UBTF: variants seen among roughly 807,000 people sequenced by gnomAD.
UBTF encodes the protein nucleolar transcription factor 1.
Under a neutral mutation model 112.3 loss-of-function variants are expected in UBTF, and 8 were observed. The observed-to-expected ratio is 0.07, with a 90% CI of 0.04 to 0.13. UBTF has a LOEUF of 0.13. UBTF is among the 10% of genes least tolerant of loss of function. The probability of loss-of-function intolerance (pLI) is 1.00; values close to 1 mark genes in which losing one functional copy is unlikely to be tolerated. For missense variants in UBTF, 457 were observed against 982.1 expected (o/e 0.47, Z 7.15); for synonymous variants, 417 against 373.1 (o/e 1.12, Z -1.36).
At chr17:44,218,597 A>AAAAAAAAAAAAAAAG (rs1284382793) in intron 1 of UBTF, 1 of 186,556 alleles carries the variant, frequency 5.4e-6, no homozygotes, top group African/African-American at 2.4e-5. Context: ...CCCCAGCCAA[A>AAAAAAAAAAAAAAAG]AAAAAAAAAA....
In UBTF at chr17:44,212,934, T is replaced by A; in HGVS notation, c.545A>T (p.Asp182Val). The change falls in exon 7 of 21, where the codon GAT (aspartate) becomes GTT (valine). Residue 182 changes from aspartate (D) to valine (V), a missense_variant. By Grantham distance (152) the Asp-to-Val change is radical. Around this residue, in one of 7 missense-constraint regions of UBTF, gnomAD observed 87 missense variants for 286.6 expected, o/e 0.30. Transcript: ENST00000436088. ...FERNLARFRE[D>V]HPDLIQNAKK... ...GGCATTCTGGATTAGGTCGGGGTGA[T>A]CCTCCCTAGCCAGGACACGGGGAGC... The A allele has an allele frequency of 6.2e-7, 1 of 1,613,950 alleles. No homozygotes were observed. Among genetic ancestry groups the A allele is most frequent in the Non-Finnish European group, 8.5e-7 (1 of 1,179,890 alleles).
At chr17:44,218,020 G>A (rs1180818856) in intron 2 of UBTF, 152 bp downstream of exon 2, 4 of 826,192 alleles carry the variant, frequency 4.8e-6, no homozygotes, top group Non-Finnish European at 7.9e-6. Context: ...AACCCCAAGT[G>A]TGGGAGATGC....
chr17:44,215,331 G>A (rs1162869374), intron 5 of UBTF: 1 of 309,292 alleles, frequency 3.2e-6, no homozygotes, highest in African/African-American at 2.1e-5. Context: ...CATAGAGGGT[G>A]AAGAAGTGCT....
chr17:44,217,456 T>C (rs2046902970), intron 2 of UBTF, among the ~76,000 whole-genome samples: 1 of 152,180 alleles, frequency 6.6e-6, no homozygotes, highest in Non-Finnish European at 1.5e-5. Context: ...ACAGTTATTT[T>C]TCAGCCACTG....
intron 13 of UBTF, 78 bp downstream of exon 13, chr17:44,210,714 G>A (rs1598232056): frequency 1.3e-6 from 2 of 1,530,378 alleles, no homozygotes; most frequent in Non-Finnish European, 1.8e-6. Context: ...CCAGGGGCGA[G>A]GTGGCACGGC....
In UBTF at chr17:44,215,887, C is replaced by T. The variant is rs1315052453; in HGVS notation, c.318+19G>A. On this transcript the variant is annotated intron_variant, in intron 4 of 20. Transcript: ENST00000436088. ...CCTTTCCTCCCATACCCCTCATGCT[C>T]CTCCTCCTAGTAACTCACCTTGAGT... 2 of 1,613,926 alleles carry T rather than the reference C, an allele frequency of 1.2e-6. No individual in the cohort carries two copies. The highest frequency in any genetic ancestry group is 1.7e-6 in the Non-Finnish European group (2 of 1,179,856).
At chr17:44,217,308 G>C (rs1389468195) in intron 2 of UBTF, among the ~76,000 whole-genome samples, 1 of 152,192 alleles carries the variant, frequency 6.6e-6, no homozygotes, top group Non-Finnish European at 1.5e-5. Flanking sequence ...AACAGAAGCA[G>C]AAGCAGGATA....
At position 44,207,332 on chromosome 17, in the gene UBTF, C is replaced by G. The variant is rs371590787; in HGVS notation, c.2205G>C (p.Glu735Asp). The change falls in exon 21 of 21, where the codon GAG (glutamate) becomes GAC (aspartate). Residue 735 changes from glutamate to aspartate, a missense_variant. Glu to Asp is a conservative substitution (Grantham distance 45). Around this residue, in one of 7 missense-constraint regions of UBTF, gnomAD observed 139 missense variants for 157.5 expected, o/e 0.88. Transcript: ENST00000436088. ...CATTATCTTCATCCTCATCGTCATC[C>G]TCGTCGTCGTCTTCGTCCTCGTCAT... is the stretch of plus-strand genomic sequence containing the variant. ...EEDDEDEDDD[E>D]DDDEDEDNES... 5.6e-6 allele frequency: 9 copies of G among 1,612,420 alleles called. No homozygotes were observed. Among genetic ancestry groups the G allele is most frequent in the African/African-American group, 4.0e-5 (3 of 74,808 alleles).
chr17:44,215,816 G>A lies in UBTF; in HGVS notation c.319-7C>T. On this transcript the variant is annotated splice_polypyrimidine_tract_variant and splice_region_variant and intron_variant, in intron 4 of 20. Coordinates refer to ENST00000436088, the MANE Select transcript of UBTF (RefSeq NM_014233.4). Reference sequence around the variant, plus strand: ...TTGGGAAGTCTGGGTGTTTCTGGAAGAAGGGACAAGGACACAATGGAGGTC... The same window carrying A: ...TTGGGAAGTCTGGGTGTTTCTGGAAAAAGGGACAAGGACACAATGGAGGTC... The A allele has an allele frequency of 6.2e-7, 1 of 1,614,150 alleles. No individual in the cohort carries two copies. Among genetic ancestry groups the A allele is most frequent in the Non-Finnish European group, 8.5e-7 (1 of 1,180,020 alleles).
chr17:44,209,770 A>T, intron 15 of UBTF, 37 bp from the exon 16 acceptor site: 1 of 1,601,254 alleles, frequency 6.2e-7, no homozygotes, highest in Non-Finnish European at 8.5e-7. Context: ...CCCCAGTCCC[A>T]CCCCCAAAAT....
rs767463896 is a variant in UBTF, at chr17:44,207,610, G to T, written c.2026-13C>A. The T allele has an allele frequency of 6.2e-7, 1 of 1,614,142 alleles. No homozygotes were observed. The highest frequency in any genetic ancestry group is 2.2e-5 in the East Asian group (1 of 44,886). On this transcript the variant is annotated splice_polypyrimidine_tract_variant and intron_variant, in intron 19 of 20. Transcript: ENST00000436088. Reference sequence around the variant, plus strand: ...CCTCCTCGGACTCCTTGGAGGGATGGAGGCACATCAGTGGTCTCTGGTCTC... The same window carrying T: ...CCTCCTCGGACTCCTTGGAGGGATGTAGGCACATCAGTGGTCTCTGGTCTC...
intron 5 of UBTF, 124 bp downstream of exon 5, chr17:44,215,530 T>C (rs2046805818): frequency 8.0e-7 from 1 of 1,253,008 alleles, no homozygotes; most frequent in Non-Finnish European, 1.1e-6. Context: ...GGACCTATTC[T>C]GCTGTGCTGA....
rs1319589202 is a variant in UBTF at position 44,211,584 on chromosome 17, G to C, written c.1047+22C>G. The stretch of plus-strand genomic sequence containing the variant: ...CTCATGCTTCAAAACCCCAAGGCAG[G>C]GTGGCCCCTGCCACAGCTCACCTGA... On this transcript the variant is annotated intron_variant, in intron 10 of 20. Coordinates refer to ENST00000436088, the MANE Select transcript of UBTF (RefSeq NM_014233.4). The surrounding 1 kb of genome is among the most constrained non-coding windows in gnomAD (Gnocchi z 4.9). 3 of 1,604,734 alleles carry C rather than the reference G, an allele frequency of 1.9e-6. No homozygotes were observed. Among genetic ancestry groups the C allele is most frequent in the Admixed American group, 3.4e-5 (2 of 59,534 alleles).
rs761856144 is a variant in UBTF, at chr17:44,211,956, C to T, written c.822G>A (p.Glu274=). The change falls in exon 9 of 21, where the codon GAG becomes GAA. Residue 274 remains glutamate (E), a synonymous_variant. Coordinates refer to ENST00000436088, the MANE Select transcript of UBTF (RefSeq NM_014233.4). This position sits in a 1 kb window ranked among gnomAD's most constrained non-coding sequence, Gnocchi z 4.9. ...IQKHPELNIS[E]EGITKSTLTK... ...TGAGGGTGGACTTGGTGATACCCTC[C>T]TCACTGATGTTCAGCTCTGGGTGCT... 3.1e-6 allele frequency: 5 copies of T among 1,613,956 alleles called. No individual in the cohort carries two copies. Among genetic ancestry groups the T allele is most frequent in the Non-Finnish European group, 3.4e-6 (4 of 1,180,000 alleles).
At chr17:44,214,804 T>G (rs1478136446) in intron 5 of UBTF, among the ~76,000 whole-genome samples, 1 of 152,194 alleles carries the variant, frequency 6.6e-6, no homozygotes, top group Admixed American at 6.5e-5. Context: ...GATGTGCTTC[T>G]TGTCTTTCCT....
chr17:44,213,163 C>T, intron 6 of UBTF, 55 bp downstream of exon 6: 4 of 1,593,972 alleles, frequency 2.5e-6, no homozygotes, highest in Non-Finnish European at 3.4e-6. Flanking sequence ...CCAGGGTTAG[C>T]CTATTCTGCT....
Position 44,205,932 on chromosome 17 carries a change from G to C in UBTF, c.*1310C>G, listed in dbSNP as rs772908913. Reference sequence around the variant, plus strand: ...GCAGCTTTTGCAGACTTCTTGCCCAGCTGTGGGGTTGGGGGAGGAGGGAGC... The same window carrying C: ...GCAGCTTTTGCAGACTTCTTGCCCACCTGTGGGGTTGGGGGAGGAGGGAGC... On this transcript the variant is annotated 3_prime_UTR_variant, in exon 21 of 21. Transcript: ENST00000436088. 5 of 152,204 alleles carry C rather than the reference G, an allele frequency of 3.3e-5. No homozygotes were observed. The highest frequency in any genetic ancestry group is 7.3e-5 in the Non-Finnish European group (5 of 68,038). The allele number at this position is 152,204 out of a possible 1,614,324, so 9.4% of individuals were successfully genotyped here.
In UBTF at chr17:44,211,787, A is replaced by G. The variant is rs1431172271; in HGVS notation, c.906-40T>C. ...GGGAGAGAGGTGCAGCCCGTAAGCGAGCAGGGCAGCAGGCCTTCTCACCTG... is the reference window on the plus strand; with the variant it reads ...GGGAGAGAGGTGCAGCCCGTAAGCGGGCAGGGCAGCAGGCCTTCTCACCTG... On this transcript the variant is annotated intron_variant, in intron 9 of 20. Coordinates refer to ENST00000436088, the MANE Select transcript of UBTF (RefSeq NM_014233.4). This position sits in a 1 kb window ranked among gnomAD's most constrained non-coding sequence, Gnocchi z 4.9. 6.3e-7 allele frequency: 1 copy of G among 1,598,110 alleles called. No individual in the cohort carries two copies. The highest frequency in any genetic ancestry group is 1.7e-5 in the Admixed American group (1 of 59,622).
Position 44,212,927 on chromosome 17 carries a change from G to A in UBTF, c.552C>T (p.Pro184=), listed in dbSNP as rs372346290. 1.9e-5 allele frequency: 30 copies of A among 1,614,016 alleles called. No homozygotes were observed. In the Middle Eastern group the frequency reaches 6.6e-4, roughly 36 times the overall value. ...ATTTCTTGGCATTCTGGATTAGGTC[G>A]GGGTGATCCTCCCTAGCCAGGACAC... ...RNLARFREDH[P]DLIQNAKKSD... is the part of the protein sequence containing the mutation. Residue 184 remains proline, a synonymous_variant, in exon 7 of 21, where the codon CCC becomes CCT. Coordinates refer to ENST00000436088, the MANE Select transcript of UBTF (RefSeq NM_014233.4).
Sources: allele counts gnomAD v4.1 joint callset (sites outside exome capture counted in the v4.1 genomes callset), GRCh38; gene constraint gnomAD v4.1.1; regional missense constraint gnomAD v4.1.1; non-coding constraint Gnocchi (gnomAD v3.1); transcripts MANE v1.5; gene names NCBI Gene and HGNC (gene_info 2026-07-23, HGNC 2026-07-21).